The following FRMD4A variants were observed in gnomAD, a reference collection of about 807,000 sequenced individuals.
The protein encoded by FRMD4A is FERM domain-containing protein 4A.
In FRMD4A, 29 loss-of-function variants were observed where a neutral mutation model predicts 129.1. That is an observed-to-expected ratio of 0.22 (90% CI 0.17 to 0.31). The LOEUF (loss-of-function observed/expected upper bound fraction) is 0.31. Ranked by LOEUF, FRMD4A falls within the 10% of genes least tolerant of loss-of-function variation. The pLI, the probability that FRMD4A is intolerant of heterozygous loss-of-function variation, is 1.00. For missense variants in FRMD4A, 1,272 were observed against 1,375.8 expected (o/e 0.92, Z 1.19); for synonymous variants, 634 against 571.6 (o/e 1.11, Z -1.56).
chr10:14,127,948 T>TTCTTTCTTTCTTTCTTTCTTTCTTTCTC (rs1838953021), intron 2 of FRMD4A, among the ~76,000 whole-genome samples: 2 of 18,822 alleles, frequency 1.1e-4, no homozygotes, highest in African/African-American at 6.9e-4. Flanking sequence ...CTTTCTTTCT[T>TTCTTTCTTTCTTTCTTTCTTTCTTTCTC]TCTTTCTTTC....
At chr10:14,138,404 A>G (rs904392519) in intron 2 of FRMD4A, among the ~76,000 whole-genome samples, 2 of 152,246 alleles carry the variant, frequency 1.3e-5, no homozygotes, top group Non-Finnish European at 2.9e-5. Flanking sequence ...TGATAGCAAA[A>G]TAAATAAATT....
intron 2 of FRMD4A, among the ~76,000 whole-genome samples, chr10:13,870,097 AG>A (rs1248693499): frequency 5.3e-5 from 8 of 152,214 alleles, no homozygotes; most frequent in African/African-American, 1.9e-4. Context: ...TGGATCAGAG[AG>A]GGAGTGCTGT....
intron 3 of FRMD4A, among the ~76,000 whole-genome samples, chr10:13,832,739 GA>G (rs2093810475): frequency 6.6e-6 from 1 of 152,112 alleles, no homozygotes; most frequent in African/African-American, 2.4e-5. Flanking sequence ...GGGTAGGTGG[GA>G]GTGATCCTCC....
intron 2 of FRMD4A, among the ~76,000 whole-genome samples, chr10:14,027,801 G>T (rs1156353152): frequency 6.6e-6 from 1 of 152,186 alleles, no homozygotes; most frequent in Non-Finnish European, 1.5e-5. Flanking sequence ...TCCAACAAAA[G>T]TCACTTTAAT....
chr10:13,876,208 G>A (rs1459856540), intron 2 of FRMD4A, among the ~76,000 whole-genome samples: 1 of 152,192 alleles, frequency 6.6e-6, no homozygotes, highest in Non-Finnish European at 1.5e-5. Context: ...TATAAGGCAT[G>A]GATATATAGG....
intron 14 of FRMD4A, among the ~76,000 whole-genome samples, chr10:13,698,086 T>TGGAGGGAGGCAGGGAG (rs1554849956): frequency 6.7e-6 from 1 of 149,034 alleles, no homozygotes; most frequent in Non-Finnish European, 1.5e-5. Flanking sequence ...GGAGAGCTGA[T>TGGAGGGAGGCAGGGAG]GGAGGGAGGG....
chr10:14,276,612 G>T (rs1845350695), intron 2 of FRMD4A, among the ~76,000 whole-genome samples: 1 of 152,202 alleles, frequency 6.6e-6, no homozygotes, highest in Admixed American at 6.5e-5. Context: ...GAAGCCCAAA[G>T]TTGGGTAAAA....
intron 2 of FRMD4A, among the ~76,000 whole-genome samples, chr10:14,128,036 C>CTTCCT (rs1839000474): frequency 7.7e-6 from 1 of 130,220 alleles, no homozygotes; most frequent in Non-Finnish European, 1.6e-5. Context: ...TCCTTCCTTC[C>CTTCCT]TTTCTTTCCC....
At chr10:13,827,966 T>C (rs2093729409) in intron 3 of FRMD4A, among the ~76,000 whole-genome samples, 1 of 152,200 alleles carries the variant, frequency 6.6e-6, no homozygotes, top group Non-Finnish European at 1.5e-5. Context: ...ATACCATTTA[T>C]GCAAGACCCC....
Position 13,656,997 on chromosome 10 carries a change from C to T in FRMD4A, c.2592G>A (p.Lys864=), listed in dbSNP as rs1175334477. ...AGGAGTTGGACGTCTTGAACTGAGC[C>T]TTGACGCTGTAGTGGCCCTCCTGGT... ...ESDQEGHYSV[K]AQFKTSNSYT... Residue 864 remains lysine, a synonymous_variant, in exon 22 of 25, where the codon AAG becomes AAA. Coordinates refer to ENST00000357447, the MANE Select transcript of FRMD4A (RefSeq NM_018027.5). The T allele has an allele frequency of 1.3e-6, 2 of 1,565,906 alleles. No homozygotes were observed. The highest frequency in any genetic ancestry group is 4.8e-5 in the East Asian group (2 of 41,464).
rs148766361 is a variant in FRMD4A, at chr10:13,832,275, C to T, written c.112-21367G>A. ...AGCTGCTTGATTGAAGTGCCTTTCC[C>T]GTGTGTCCACAGCAATACCAGCATC... On this transcript the variant is annotated intron_variant, in intron 3 of 24. Transcript: ENST00000357447. Among the ~76,000 whole-genome samples, 823 of 152,258 alleles carry T rather than the reference C, an allele frequency of 5.4e-3. 6 individuals carry two copies. Among genetic ancestry groups the T allele is most frequent in the Non-Finnish European group, 7.2e-3 (492 of 68,038 alleles).
At chr10:14,069,551 T>A (rs965225532) in intron 2 of FRMD4A, among the ~76,000 whole-genome samples, 10 of 152,198 alleles carry the variant, frequency 6.6e-5, no homozygotes, top group African/African-American at 2.4e-4. Context: ...TATGACAGCA[T>A]GCAGAAAATA....
intron 2 of FRMD4A, among the ~76,000 whole-genome samples, chr10:13,993,136 A>G (rs1481659939): frequency 6.6e-6 from 1 of 152,178 alleles, no homozygotes; most frequent in East Asian, 1.9e-4. Context: ...GGACATCCTG[A>G]GTTTAAAACT....
chr10:14,178,934 C>T (rs760671201), intron 2 of FRMD4A, among the ~76,000 whole-genome samples: 1 of 152,086 alleles, frequency 6.6e-6, no homozygotes, highest in Non-Finnish European at 1.5e-5. Context: ...GGAAAACTCC[C>T]CACACCAAGG....
intron 2 of FRMD4A, among the ~76,000 whole-genome samples, chr10:14,319,911 G>A (rs1291981157): frequency 1.3e-5 from 2 of 152,102 alleles, no homozygotes; most frequent in Non-Finnish European, 2.9e-5. Context: ...ACTCCAGAGT[G>A]GCTTGTATGT....
rs531615193 is a variant in FRMD4A at position 13,883,825 on chromosome 10, T to C, written c.46-24913A>G. 2.6e-5 allele frequency among the ~76,000 whole-genome samples: 4 copies of C among 152,342 alleles called. No homozygotes were observed. In the South Asian group the frequency reaches 6.2e-4, roughly 24 times the overall value. On this transcript the variant is annotated intron_variant, in intron 2 of 24. Transcript: ENST00000357447. ...TGTCCCTTAGGGCTCACTGAAAATA[T>C]ATCCTAGTCTTGGATGCAGATATAA...
chr10:13,685,529 A>G (rs2084990397), intron 15 of FRMD4A: 2 of 985,418 alleles, frequency 2.0e-6, no homozygotes, highest in Non-Finnish European at 2.4e-6. Context: ...GGCTATTGCA[A>G]TACCAACGTT....
intron 2 of FRMD4A, among the ~76,000 whole-genome samples, chr10:14,268,142 AT>A (rs141960711): frequency 0.091 from 13,866 of 152,292 alleles, 806 homozygotes; most frequent in Non-Finnish European, 0.13. Flanking sequence ...AACTAAAAAA[AT>A]GAGAAATAAT....
chr10:13,981,738 CAAAA>C (rs55829400), intron 2 of FRMD4A, among the ~76,000 whole-genome samples: 1,809 of 97,226 alleles, frequency 0.019, 30 homozygotes, highest in African/African-American at 0.053. Context: ...GACTCCGTGT[CAAAA>C]AAAAAAAAAA....
Sources: gnomAD v4.1 joint callset for allele counts (sites outside exome capture counted in the v4.1 genomes callset) on GRCh38, gnomAD v4.1.1 for gene constraint, MANE v1.5 for transcripts, NCBI Gene and HGNC (gene_info 2026-07-23, HGNC 2026-07-21) for gene names.